Variants in CCDC82 observed in about 807,000 individuals in gnomAD.
The protein encoded by CCDC82 is coiled-coil domain-containing protein 82.
Under a neutral mutation model 60.6 loss-of-function variants are expected in CCDC82, and 47 were observed. The ratio of observed to expected loss-of-function variants is 0.77; its 90% CI spans 0.61 to 0.99. CCDC82 has a LOEUF of 0.99. Ranked by LOEUF, CCDC82 falls within the 50% of genes least tolerant of loss-of-function variation. The pLI is 0.00. For missense variants in CCDC82, 588 were observed against 633.0 expected, an observed-to-expected ratio of 0.93 and a Z score of 0.76; for synonymous variants, 212 against 207.4, an observed-to-expected ratio of 1.02 and a Z score of -0.19.
intron 5 of CCDC82, among the ~76,000 whole-genome samples, chr11:96,378,104 T>C (rs988584291): frequency 3.9e-5 from 6 of 152,072 alleles, no homozygotes; most frequent in Non-Finnish European, 5.9e-5. Context: ...TTCTCCTTTA[T>C]AACTATTTTT....
chr11:96,353,882 T>C (rs1395668473), intron 9 of CCDC82, 168 bp from the exon 10 acceptor site: 2 of 496,784 alleles, frequency 4.0e-6, no homozygotes, highest in East Asian at 6.4e-5. Flanking sequence ...TCCTAACTCA[T>C]ATATAACTCA....
At chr11:96,355,489 A>G (rs779922886) in intron 9 of CCDC82, 1 of 152,224 alleles carries the variant, frequency 6.6e-6, no homozygotes, top group African/African-American at 2.4e-5. Flanking sequence ...AACGTATTAC[A>G]TATCTAATCT....
At chr11:96,389,703 A>G (rs549430511) in intron 1 of CCDC82, 141 bp downstream of exon 1, 2 of 152,326 alleles carry the variant, frequency 1.3e-5, no homozygotes, top group Non-Finnish European at 2.9e-5. Context: ...TCTCCGGCCC[A>G]CCCAAAGAGC....
intron 8 of CCDC82, among the ~76,000 whole-genome samples, chr11:96,359,597 A>T (rs1475290614): frequency 2.0e-5 from 3 of 146,820 alleles, no homozygotes; most frequent in East Asian, 4.0e-4. Flanking sequence ...AGTTCGGGGG[A>T]AAAAAGAGAA....
intron 5 of CCDC82, among the ~76,000 whole-genome samples, chr11:96,379,912 ATGAAGATAGTTG>A (rs1412528092): frequency 1.3e-5 from 2 of 151,838 alleles, no homozygotes; most frequent in Non-Finnish European, 1.5e-5. Context: ...CACAACCAAA[ATGAAGATAGTTG>A]AGGATGGAAC....
chr11:96,353,812 A>C, intron 9 of CCDC82, 98 bp from the exon 10 acceptor site: 1 of 764,304 alleles, frequency 1.3e-6, no homozygotes, highest in South Asian at 1.7e-5. Flanking sequence ...AGTCCATTTC[A>C]TGGTAATCGT....
In CCDC82 at chr11:96,389,875, T is replaced by TCCGCCC. The variant is rs1182408884; in HGVS notation, c.-176_-171dup. Reference sequence around the variant, plus strand: ...AAGCGCCTCCACCTCTGCCTCCGCCTCCGCCCCTGCCCCGGCAACCAGCTC... The same window carrying TCCGCCC: ...AAGCGCCTCCACCTCTGCCTCCGCCTCCGCCCCCGCCCCTGCCCCGGCAACCAGCTC... On this transcript the variant is annotated 5_prime_UTR_variant, in exon 1 of 10. Coordinates refer to ENST00000646818, the MANE Select transcript of CCDC82 (RefSeq NM_024725.4). 5 of 153,362 alleles carry TCCGCCC rather than the reference T, an allele frequency of 3.3e-5. No individual in the cohort carries two copies. The highest frequency in any genetic ancestry group is 6.5e-5 in the Admixed American group (1 of 15,294). 9.5% of individuals were successfully genotyped at this position (153,362 alleles called of 1,614,324 possible).
At chr11:96,372,720 TTA>T (rs532934667) in intron 6 of CCDC82, among the ~76,000 whole-genome samples, 2,167 of 144,698 alleles carry the variant, frequency 0.015, 64 homozygotes, top group African/African-American at 0.051. Flanking sequence ...ACATATATAT[TTA>T]TATATATAAA....
intron 9 of CCDC82, chr11:96,356,586 T>C: frequency 1.0e-6 from 1 of 984,170 alleles, no homozygotes; most frequent in Non-Finnish European, 1.2e-6. Flanking sequence ...GTTAGAATTT[T>C]GCCAGTGTCA....
intron 9 of CCDC82, chr11:96,358,210 G>T: frequency 9.9e-7 from 1 of 1,013,298 alleles, no homozygotes. Context: ...GTTGATAAGA[G>T]TTGCCTGAAA....
intron 7 of CCDC82, among the ~76,000 whole-genome samples, chr11:96,370,308 CAG>C (rs1392711041): frequency 3.9e-5 from 6 of 152,018 alleles, no homozygotes; most frequent in Non-Finnish European, 8.8e-5. Flanking sequence ...TTAGAAGTAA[CAG>C]GGAGAAAACC....
intron 8 of CCDC82, among the ~76,000 whole-genome samples, chr11:96,362,329 A>G (rs1199395845): frequency 6.6e-6 from 1 of 152,192 alleles, no homozygotes; most frequent in Admixed American, 6.5e-5. Context: ...ATTCTCAAGG[A>G]AACAGTAAGT....
At chr11:96,360,358 A>C (rs987896687) in intron 8 of CCDC82, among the ~76,000 whole-genome samples, 4 of 147,108 alleles carry the variant, frequency 2.7e-5, no homozygotes. Context: ...ACACGCAGCT[A>C]ATTTTTTTTT....
At chr11:96,360,573 T>C (rs926319505) in intron 8 of CCDC82, among the ~76,000 whole-genome samples, 14 of 152,286 alleles carry the variant, frequency 9.2e-5, no homozygotes, top group South Asian at 4.1e-4. Flanking sequence ...ATATGGTCAA[T>C]CTTACTCTCA....
At chr11:96,372,436 T>C (rs2136141546) in intron 6 of CCDC82, among the ~76,000 whole-genome samples, 2 of 151,876 alleles carry the variant, frequency 1.3e-5, no homozygotes, top group South Asian at 4.1e-4. Flanking sequence ...AGTGCAGGAA[T>C]CTAATATGCC....
intron 5 of CCDC82, 95 bp from the exon 6 acceptor site, chr11:96,373,562 T>G: frequency 1.4e-6 from 1 of 702,706 alleles, no homozygotes; most frequent in Non-Finnish European, 2.4e-6. Context: ...AAATTAAAAC[T>G]ATAGATAGCA....
intron 3 of CCDC82, 194 bp downstream of exon 3, chr11:96,386,060 A>C (rs1260171071): frequency 6.6e-6 from 1 of 152,182 alleles, no homozygotes; most frequent in Non-Finnish European, 1.5e-5. Flanking sequence ...TTTTTATCCC[A>C]AACAGTGACT....
intron 7 of CCDC82, among the ~76,000 whole-genome samples, chr11:96,365,705 A>G (rs1304254224): frequency 2.0e-5 from 3 of 152,238 alleles, no homozygotes; most frequent in Non-Finnish European, 4.4e-5. Context: ...TTAATAGCTC[A>G]GTTATCAATG....
At chr11:96,380,080 T>C (rs192123272) in intron 5 of CCDC82, among the ~76,000 whole-genome samples, 131 of 151,918 alleles carry the variant, frequency 8.6e-4, no homozygotes, top group Non-Finnish European at 1.6e-3. Context: ...TACATGACAA[T>C]ACCTGGTTAA....
Sources: gnomAD v4.1 joint callset for allele counts (sites outside exome capture counted in the v4.1 genomes callset) on GRCh38, gnomAD v4.1.1 for gene constraint, MANE v1.5 for transcripts, NCBI Gene and HGNC (gene_info 2026-07-23, HGNC 2026-07-21) for gene names.